Variants in DIAPH2 observed in about 807,000 individuals in gnomAD.
The protein encoded by DIAPH2 is diaphanous related formin 2.
DIAPH2 carries 35 observed loss-of-function variants against 92.7 expected under a neutral mutation model. The observed-to-expected ratio is 0.38, with a 90% CI of 0.29 to 0.50. The LOEUF (loss-of-function observed/expected upper bound fraction) is 0.50, where lower values mean the gene tolerates loss of function less well. Among genes scored for constraint, DIAPH2 ranks in the 20% least tolerant of loss-of-function variants. DIAPH2 has a pLI of 0.94. For missense variants in DIAPH2, 701 were observed against 819.5 expected, an observed-to-expected ratio of 0.86 and a Z score of 1.77; for synonymous variants, 301 against 280.4, an observed-to-expected ratio of 1.07 and a Z score of -0.73.
chrX:96,752,301 G>A (rs751415584), intron 3 of DIAPH2, among the ~76,000 whole-genome samples: 1 of 111,608 alleles, frequency 9.0e-6, no homozygotes, highest in African/African-American at 3.3e-5. Flanking sequence ...AAATTTATAA[G>A]TATAAAAAAC....
At chrX:96,914,364 A>C (rs1157462746) in intron 7 of DIAPH2, among the ~76,000 whole-genome samples, 3 of 111,298 alleles carry the variant, frequency 2.7e-5, no homozygotes, top group Non-Finnish European at 5.7e-5. Flanking sequence ...GCTTCTTCAC[A>C]GCTCAAGATA....
At chrX:97,127,012 A>G (rs2067098328) in intron 21 of DIAPH2, among the ~76,000 whole-genome samples, 1 of 112,503 alleles carries the variant, frequency 8.9e-6, no homozygotes, top group Non-Finnish European at 1.9e-5. Flanking sequence ...CTGCTTCTCA[A>G]GTTCCTAACA....
intron 17 of DIAPH2, among the ~76,000 whole-genome samples, chrX:97,000,620 T>TACAC (rs56284459): frequency 0.015 from 1,461 of 99,872 alleles, 10 homozygotes; most frequent in Non-Finnish European, 0.02. Context: ...TACAAATGAA[T>TACAC]ACACACACAC....
intron 22 of DIAPH2, among the ~76,000 whole-genome samples, chrX:97,217,290 G>C (rs2067891031): frequency 9.0e-6 from 1 of 111,589 alleles, no homozygotes; most frequent in Non-Finnish European, 1.9e-5. Context: ...GAATGGGAAA[G>C]ATTGGTAGTT....
At chrX:97,542,644 G>T (rs778413406) in intron 26 of DIAPH2, among the ~76,000 whole-genome samples, 1 of 111,608 alleles carries the variant, frequency 9.0e-6, no homozygotes, top group Non-Finnish European at 1.9e-5. Flanking sequence ...CAAAGCTGAT[G>T]GATTAGCTTT....
chrX:97,392,885 A>G (rs1446972062), intron 25 of DIAPH2, among the ~76,000 whole-genome samples: 3 of 111,492 alleles, frequency 2.7e-5, no homozygotes, highest in Non-Finnish European at 5.6e-5. Flanking sequence ...CATTTGGCCT[A>G]TTACCAGTCC....
intron 23 of DIAPH2, among the ~76,000 whole-genome samples, chrX:97,344,942 T>A (rs2069143905): frequency 8.9e-6 from 1 of 112,338 alleles, no homozygotes; most frequent in Admixed American, 9.5e-5. Flanking sequence ...GTAAGTGACC[T>A]TTGCAAAGTG....
intron 26 of DIAPH2, among the ~76,000 whole-genome samples, chrX:97,514,486 G>T (rs761541498): frequency 1.2e-5 from 1 of 84,364 alleles, no homozygotes; most frequent in African/African-American, 4.4e-5. Flanking sequence ...TAATTTGATC[G>T]TCTGAAGCCT....
intron 22 of DIAPH2, among the ~76,000 whole-genome samples, chrX:97,160,256 T>C (rs1196888000): frequency 1.8e-5 from 2 of 111,327 alleles, no homozygotes; most frequent in Admixed American, 1.9e-4. Flanking sequence ...ATGCAGAACC[T>C]CCTAAAGAAG....
chrX:97,448,787 C>T (rs1380838551), intron 26 of DIAPH2, among the ~76,000 whole-genome samples: 1 of 111,768 alleles, frequency 8.9e-6, no homozygotes, highest in Non-Finnish European at 1.9e-5. Context: ...AGCACTGGGG[C>T]AAGCTGATAA....
At chrX:96,955,275 C>G (rs1441241532) in intron 15 of DIAPH2, among the ~76,000 whole-genome samples, 1 of 111,620 alleles carries the variant, frequency 9.0e-6, no homozygotes, top group African/African-American at 3.3e-5. Context: ...CTTAAAAAAC[C>G]ATCAGATCTT....
At chrX:97,438,354 TGTTTG>T (rs2070213310) in intron 26 of DIAPH2, among the ~76,000 whole-genome samples, 1 of 86,370 alleles carries the variant, frequency 1.2e-5, no homozygotes, top group African/African-American at 4.5e-5. Flanking sequence ...TTTTTTTGTT[TGTTTG>T]TTTTTTTTTT....
chrX:97,152,716 C>A (rs768158203), intron 22 of DIAPH2, among the ~76,000 whole-genome samples: 3 of 110,571 alleles, frequency 2.7e-5, no homozygotes, highest in Non-Finnish European at 3.8e-5. Flanking sequence ...CATATTAATC[C>A]ATTTTTGAGG....
At chrX:97,573,506 T>G (rs1170655776) in intron 26 of DIAPH2, among the ~76,000 whole-genome samples, 1 of 110,953 alleles carries the variant, frequency 9.0e-6, no homozygotes, top group Non-Finnish European at 1.9e-5. Flanking sequence ...GAAGCAATAA[T>G]ATGAGATGAT....
intron 26 of DIAPH2, among the ~76,000 whole-genome samples, chrX:97,566,643 T>C (rs2071329603): frequency 8.9e-6 from 1 of 112,021 alleles, no homozygotes; most frequent in South Asian, 3.7e-4. Flanking sequence ...AAATGTTACA[T>C]GTAAAAAATT....
intron 13 of DIAPH2, among the ~76,000 whole-genome samples, chrX:96,944,891 A>G (rs768343159): frequency 5.4e-5 from 6 of 111,158 alleles, no homozygotes; most frequent in Non-Finnish European, 1.1e-4. Context: ...TTTCTTTTTG[A>G]TAAATAAGTG....
intron 20 of DIAPH2, among the ~76,000 whole-genome samples, chrX:97,110,402 T>G (rs1030274501): frequency 8.9e-6 from 1 of 111,757 alleles, no homozygotes; most frequent in Admixed American, 9.5e-5. Flanking sequence ...AAAGCAATTT[T>G]ATTATTTCCC....
chrX:96,858,764 T>C (rs1180762800), intron 4 of DIAPH2, among the ~76,000 whole-genome samples: 1 of 111,961 alleles, frequency 8.9e-6, no homozygotes, highest in Non-Finnish European at 1.9e-5. Flanking sequence ...CTTGTCATAA[T>C]TGAGCCTGCA....
chrX:97,362,354 C>T (rs1013347391), intron 24 of DIAPH2, among the ~76,000 whole-genome samples: 2 of 111,173 alleles, frequency 1.8e-5, no homozygotes, highest in African/African-American at 6.5e-5. Flanking sequence ...AATTGTCAAA[C>T]GTTGCAAATT....
Sources: gnomAD v4.1 joint callset for allele counts (sites outside exome capture counted in the v4.1 genomes callset) on GRCh38, gnomAD v4.1.1 for gene constraint, MANE v1.5 for transcripts, NCBI Gene and HGNC (gene_info 2026-07-23, HGNC 2026-07-21) for gene names.